Variants in SNX29 observed in about 807,000 individuals in gnomAD.
The protein encoded by SNX29 is sorting nexin 29.
Under a neutral mutation model 102.1 loss-of-function variants are expected in SNX29, and 78 were observed. That is an observed-to-expected ratio of 0.76 (90% CI 0.64 to 0.92). The LOEUF (loss-of-function observed/expected upper bound fraction) is 0.92, where lower values mean the gene tolerates loss of function less well. SNX29 is among the 40% of genes least tolerant of loss of function. The pLI is 0.00. For missense variants in SNX29, 1,280 were observed against 1,061.7 expected (o/e 1.21, Z -2.86); for synonymous variants, 580 against 414.5 (o/e 1.40, Z -4.85).
intron 20 of SNX29, among the ~76,000 whole-genome samples, chr16:12,546,974 C>T (rs184521412): frequency 6.6e-6 from 1 of 152,292 alleles, no homozygotes; most frequent in African/African-American, 2.4e-5. Flanking sequence ...ACCCATTCCT[C>T]CAATTAGTAC....
chr16:12,163,783 G>A (rs958592368), intron 13 of SNX29, among the ~76,000 whole-genome samples: 1 of 152,194 alleles, frequency 6.6e-6, no homozygotes, highest in African/African-American at 2.4e-5. Flanking sequence ...CTCTGTTGGA[G>A]AGAACGGACC....
At chr16:12,000,364 A>G (rs1012059264) in intron 2 of SNX29, 2 of 152,174 alleles carry the variant, frequency 1.3e-5, no homozygotes, top group African/African-American at 4.8e-5. Flanking sequence ...GCTCAGAGGG[A>G]TCCAACAACT....
intron 18 of SNX29, among the ~76,000 whole-genome samples, chr16:12,426,336 AG>A (rs1283710752): frequency 2.0e-5 from 3 of 152,150 alleles, no homozygotes; most frequent in East Asian, 3.9e-4. Flanking sequence ...CTCTCCTGGC[AG>A]GGGGGTAAGA....
intron 19 of SNX29, among the ~76,000 whole-genome samples, chr16:12,516,032 G>A (rs1018797102): frequency 1.3e-5 from 2 of 152,104 alleles, no homozygotes; most frequent in South Asian, 2.1e-4. Flanking sequence ...TCCTTTTCTC[G>A]GCTAGGCCTA....
chr16:12,330,970 C>A (rs1020392529), intron 15 of SNX29, among the ~76,000 whole-genome samples: 2 of 152,246 alleles, frequency 1.3e-5, no homozygotes, highest in African/African-American at 4.8e-5. Context: ...CAGAAGGCTT[C>A]CTTGACTGTT....
chr16:12,048,223 C>A, intron 6 of SNX29, 149 bp from the exon 7 acceptor site: 1 of 1,181,404 alleles, frequency 8.5e-7, no homozygotes, highest in Non-Finnish European at 1.2e-6. Context: ...TTTTCGCTCC[C>A]TGCAACGTCC....
Position 12,570,008 on chromosome 16 carries a change from G to T in SNX29, c.*1379G>T, listed in dbSNP as rs938225177. 6.7e-6 allele frequency: 2 copies of T among 296,340 alleles called. No individual in the cohort carries two copies. Among genetic ancestry groups the T allele is most frequent in the Non-Finnish European group, 1.1e-5 (2 of 176,152 alleles). 18.4% of individuals were successfully genotyped at this position (296,340 alleles called of 1,614,324 possible). A position where few individuals can be genotyped will look rare whatever the true frequency, so the allele number is the denominator to read the frequency against. The stretch of plus-strand genomic sequence containing the variant: ...CTGCTTCAACTCAGTGGCTTAAAAT[G>T]AGAACTGCCCAGGTGAGCATGGAGC... On this transcript the variant is annotated 3_prime_UTR_variant, in exon 21 of 21. Coordinates refer to ENST00000566228, the MANE Select transcript of SNX29 (RefSeq NM_032167.5).
At chr16:12,234,539 C>A (rs1454675234) in intron 14 of SNX29, among the ~76,000 whole-genome samples, 2 of 151,852 alleles carry the variant, frequency 1.3e-5, no homozygotes, top group East Asian at 1.9e-4. Context: ...CGATGGTGTC[C>A]TTGAGGCATA....
At chr16:11,984,831 T>C (rs1013902521) in intron 1 of SNX29, among the ~76,000 whole-genome samples, 1 of 152,112 alleles carries the variant, frequency 6.6e-6, no homozygotes, top group Non-Finnish European at 1.5e-5. Flanking sequence ...ACTTTTTCAT[T>C]TGGTGTAGAG....
chr16:12,121,582 A>T (rs2053974947), intron 11 of SNX29, among the ~76,000 whole-genome samples: 1 of 152,020 alleles, frequency 6.6e-6, no homozygotes, highest in African/African-American at 2.4e-5. Flanking sequence ...GACATTTCCA[A>T]CACCTGCCGC....
chr16:12,423,209 A>T (rs1034644077), intron 18 of SNX29, among the ~76,000 whole-genome samples: 2 of 150,938 alleles, frequency 1.3e-5, no homozygotes, highest in South Asian at 2.1e-4. Flanking sequence ...TTTTTTTTTT[A>T]AACACAGAAA....
chr16:12,419,573 C>T (rs865890215), intron 18 of SNX29, among the ~76,000 whole-genome samples: 1 of 149,142 alleles, frequency 6.7e-6, no homozygotes, highest in Admixed American at 6.7e-5. Flanking sequence ...CCCCCCCCCC[C>T]ATCTTTCTGT....
chr16:12,571,130 AT>A lies in SNX29; in HGVS notation c.*2503del. 4.3e-6 allele frequency: 1 copy of A among 232,614 alleles called. No individual in the cohort carries two copies. Among genetic ancestry groups the A allele is most frequent in the South Asian group, 1.8e-4 (1 of 5,522 alleles). The allele number at this position is 232,614 out of a possible 1,614,324, so 14.4% of individuals were successfully genotyped here. On this transcript the variant is annotated 3_prime_UTR_variant, in exon 21 of 21. Transcript: ENST00000566228. ...GAATCCCATAGAATGTTCTGCAATG[AT>A]TGGGTCCATCTTGCTGCTCAGAAGA...
At chr16:12,560,336 G>A (rs912364650) in intron 20 of SNX29, among the ~76,000 whole-genome samples, 78 of 152,230 alleles carry the variant, frequency 5.1e-4, no homozygotes, top group African/African-American at 1.6e-3. Context: ...TGGGTTTACC[G>A]AAGGGGGATT....
intron 20 of SNX29, among the ~76,000 whole-genome samples, chr16:12,538,757 T>G (rs1163012583): frequency 6.6e-6 from 1 of 152,058 alleles, no homozygotes. Context: ...ATGGGTATCA[T>G]CCAAGCTGTG....
intron 11 of SNX29, among the ~76,000 whole-genome samples, chr16:12,104,100 G>A (rs1046360787): frequency 1.3e-5 from 2 of 152,196 alleles, no homozygotes; most frequent in Admixed American, 1.3e-4. Context: ...TCCTTGAAAC[G>A]GTGGCTACCA....
chr16:12,214,447 T>C (rs568872763), intron 14 of SNX29, among the ~76,000 whole-genome samples: 1 of 152,344 alleles, frequency 6.6e-6, no homozygotes, highest in South Asian at 2.1e-4. Context: ...AAAAAGCCAC[T>C]TTGATTTTGA....
chr16:12,461,993 A>G (rs1236393214), intron 18 of SNX29, among the ~76,000 whole-genome samples: 1 of 65,832 alleles, frequency 1.5e-5, no homozygotes, highest in East Asian at 6.1e-4. Flanking sequence ...ATATATATAT[A>G]TATATATATA....
chr16:12,270,316 T>C (rs1004238523), intron 14 of SNX29, among the ~76,000 whole-genome samples: 1 of 152,242 alleles, frequency 6.6e-6, no homozygotes, highest in South Asian at 2.1e-4. Context: ...GATTGGTTTA[T>C]TGGGGGGATG....
Sources: allele counts gnomAD v4.1 joint callset (sites outside exome capture counted in the v4.1 genomes callset), GRCh38; gene constraint gnomAD v4.1.1; transcripts MANE v1.5; gene names NCBI Gene and HGNC (gene_info 2026-07-23, HGNC 2026-07-21).